The following SMIM35 variants were observed in gnomAD, a reference collection of about 807,000 sequenced individuals.
SMIM35 encodes the protein small integral membrane protein 35.
At chr11:118,063,105 T>C (rs1944416602) in intron 1 of SMIM35, among the ~76,000 whole-genome samples, 1 of 152,230 alleles carries the variant, frequency 6.6e-6, no homozygotes, top group Non-Finnish European at 1.5e-5. Flanking sequence ...AATCCACCCC[T>C]TGTTTAGCAT....
chr11:118,069,311 C>A (rs993677877), intron 1 of SMIM35, among the ~76,000 whole-genome samples: 1 of 152,192 alleles, frequency 6.6e-6, no homozygotes, highest in African/African-American at 2.4e-5. Context: ...TCCTTTTCTT[C>A]GTCTTCATGC....
chr11:118,014,873 G>C, intron 2 of SMIM35, 132 bp from the exon 3 acceptor site: 1 of 396,750 alleles, frequency 2.5e-6, no homozygotes, highest in Non-Finnish European at 4.4e-6. Flanking sequence ...TCAGGATGGT[G>C]TGGGAGCATT....
intron 1 of SMIM35, among the ~76,000 whole-genome samples, chr11:118,026,254 GAACTA>G (rs2058273026): frequency 6.6e-6 from 1 of 152,126 alleles, no homozygotes; most frequent in South Asian, 2.1e-4. Flanking sequence ...ACATATTTTA[GAACTA>G]AACATAGAAA....
At chr11:118,023,652 G>C (rs1157794146) in intron 1 of SMIM35, among the ~76,000 whole-genome samples, 2 of 152,136 alleles carry the variant, frequency 1.3e-5, no homozygotes, top group East Asian at 3.9e-4. Context: ...AGCACACTAG[G>C]CATCACAGAA....
At chr11:118,011,479 G>A (rs903823452) in intron 4 of SMIM35, among the ~76,000 whole-genome samples, 8 of 152,182 alleles carry the variant, frequency 5.3e-5, no homozygotes, top group African/African-American at 1.9e-4. Context: ...CTCACTTGAG[G>A]TTAGGAGTTC....
At chr11:118,031,023 A>G (rs2058315258) in intron 1 of SMIM35, among the ~76,000 whole-genome samples, 1 of 152,174 alleles carries the variant, frequency 6.6e-6, no homozygotes, top group East Asian at 1.9e-4. Flanking sequence ...CAATATCAAT[A>G]TCGATGTTGA....
chr11:118,067,860 CATAT>C (rs57497227), intron 1 of SMIM35, among the ~76,000 whole-genome samples: 1,405 of 79,780 alleles, frequency 0.018, 19 homozygotes, highest in Middle Eastern at 0.03. Flanking sequence ...CAACAACAAA[CATAT>C]ATATATATAT....
At chr11:118,021,370 G>A (rs2058229847) in intron 1 of SMIM35, among the ~76,000 whole-genome samples, 1 of 152,102 alleles carries the variant, frequency 6.6e-6, no homozygotes, top group South Asian at 2.1e-4. Flanking sequence ...TTCTTCAGCT[G>A]TGTCTAATCT....
chr11:118,035,216 T>G (rs575454009), intron 1 of SMIM35, among the ~76,000 whole-genome samples: 1 of 152,056 alleles, frequency 6.6e-6, no homozygotes, highest in South Asian at 2.1e-4. Flanking sequence ...CCTCCCAAAG[T>G]GCCCGTCTGA....
chr11:118,025,449 A>G (rs1343513165), intron 1 of SMIM35: 1 of 451,488 alleles, frequency 2.2e-6, no homozygotes, highest in Non-Finnish European at 4.4e-6. Context: ...CCTTGCCAAC[A>G]TCTGTTATTT....
chr11:118,029,583 C>G (rs189635787), intron 1 of SMIM35: 448 of 454,080 alleles, frequency 9.9e-4, no homozygotes, highest in African/African-American at 8.2e-3. Flanking sequence ...GGACTTACCC[C>G]CTGTCTGCTT....
intron 1 of SMIM35, among the ~76,000 whole-genome samples, chr11:118,072,289 A>T (rs1944583453): frequency 6.6e-6 from 1 of 152,188 alleles, no homozygotes; most frequent in South Asian, 2.1e-4. Context: ...CAGCAGTTCG[A>T]GATCAGCCTG....
At chr11:118,066,966 GC>G (rs1944484096) in intron 1 of SMIM35, among the ~76,000 whole-genome samples, 1 of 151,844 alleles carries the variant, frequency 6.6e-6, no homozygotes, top group Non-Finnish European at 1.5e-5. Flanking sequence ...GGGAGCAAGA[GC>G]CTGGCCATTT....
intron 3 of SMIM35, among the ~76,000 whole-genome samples, chr11:118,014,331 G>GAAGGA (rs1445449148): frequency 2.0e-5 from 3 of 152,070 alleles, no homozygotes; most frequent in Non-Finnish European, 2.9e-5. Context: ...GAAGGGAAGG[G>GAAGGA]AAGGAAAGGA....
chr11:118,045,861 A>T (rs1471002453), intron 1 of SMIM35, among the ~76,000 whole-genome samples: 1 of 152,232 alleles, frequency 6.6e-6, no homozygotes, highest in African/African-American at 2.4e-5. Flanking sequence ...TGATGACGGA[A>T]AAAGACTTGG....
chr11:118,062,038 A>C (rs1444659510), intron 1 of SMIM35, among the ~76,000 whole-genome samples: 1 of 152,232 alleles, frequency 6.6e-6, no homozygotes, highest in South Asian at 2.1e-4. Context: ...TTCATCAAAA[A>C]TGAAAGTGGG....
At chr11:118,076,185 T>C (rs1944680146) in intron 1 of SMIM35, among the ~76,000 whole-genome samples, 1 of 152,160 alleles carries the variant, frequency 6.6e-6, no homozygotes, top group African/African-American at 2.4e-5. Context: ...GGCAGGAGAA[T>C]CACTTGAACC....
Position 118,004,702 on chromosome 11 carries a change from T to G in SMIM35, c.*1708A>C, listed in dbSNP as rs1376605721. ...CCCTGCAGCCAATACAGTTAGAATA[T>G]TCACGCGATGACTTCCTGCCTTGAG... On this transcript the variant is annotated 3_prime_UTR_variant, in exon 5 of 5. Transcript: ENST00000689828. 6.6e-6 allele frequency: 1 copy of G among 152,154 alleles called. No homozygotes were observed. The highest frequency in any genetic ancestry group is 1.5e-5 in the Non-Finnish European group (1 of 68,058). The allele number at this position is 152,154 out of a possible 1,614,324, so 9.4% of individuals were successfully genotyped here.
chr11:118,046,467 C>T (rs2135091149), intron 1 of SMIM35, among the ~76,000 whole-genome samples: 1 of 152,306 alleles, frequency 6.6e-6, no homozygotes, highest in African/African-American at 2.4e-5. Flanking sequence ...TGGTGCCTGG[C>T]TGTGTCAGAA....
Sources: allele counts gnomAD v4.1 joint callset (sites outside exome capture counted in the v4.1 genomes callset), GRCh38; gene constraint gnomAD v4.1.1; transcripts MANE v1.5; gene names NCBI Gene and HGNC (gene_info 2026-07-23, HGNC 2026-07-21).